Variants in STK39 observed in about 807,000 individuals in gnomAD.
STK39 encodes serine/threonine kinase 39, also known as STE20/SPS1-related proline-alanine-rich protein kinase.
STK39 carries 20 observed loss-of-function variants against 77.8 expected under a neutral mutation model. That is an observed-to-expected ratio of 0.26 (90% CI 0.18 to 0.37). The LOEUF (loss-of-function observed/expected upper bound fraction) is 0.37, where lower values mean the gene tolerates loss of function less well. Ranked by LOEUF, STK39 falls within the 10% of genes least tolerant of loss-of-function variation. The pLI, the probability that STK39 is intolerant of heterozygous loss-of-function variation, is 1.00. For synonymous variants in STK39, 246 were observed against 234.1 expected (o/e 1.05, Z -0.47); for missense variants, 479 against 656.5 (o/e 0.73, Z 2.95).
intron 1 of STK39, among the ~76,000 whole-genome samples, chr2:168,204,145 C>A (rs566637029): frequency 5.3e-5 from 8 of 152,338 alleles, no homozygotes; most frequent in African/African-American, 1.9e-4. Context: ...GAGGGTTTAA[C>A]AGGGACAGTC....
intron 1 of STK39, among the ~76,000 whole-genome samples, chr2:168,190,448 C>T (rs146342023): frequency 6.6e-5 from 10 of 152,280 alleles, no homozygotes; most frequent in African/African-American, 1.9e-4. Flanking sequence ...GCAGAACATC[C>T]AGTTCAATTC....
At chr2:168,060,701 G>A (rs1047823349) in intron 14 of STK39, among the ~76,000 whole-genome samples, 4 of 152,158 alleles carry the variant, frequency 2.6e-5, no homozygotes, top group African/African-American at 9.7e-5. Flanking sequence ...TGCCATTAAT[G>A]TGGTACATAT....
At chr2:168,191,684 T>C (rs527621157) in intron 1 of STK39, among the ~76,000 whole-genome samples, 1 of 152,324 alleles carries the variant, frequency 6.6e-6, no homozygotes, top group South Asian at 2.1e-4. Context: ...CCCTCCTGCG[T>C]ATCAGCTTCT....
chr2:168,215,631 T>C (rs1690006607), intron 1 of STK39, among the ~76,000 whole-genome samples: 1 of 152,118 alleles, frequency 6.6e-6, no homozygotes, highest in Non-Finnish European at 1.5e-5. Context: ...CAAAATAAAC[T>C]AAAAGGCTGC....
In STK39 at chr2:168,042,705, GAGT is replaced by G. The variant is rs370104229; in HGVS notation, c.1376+20792_1376+20794del. Among the ~76,000 whole-genome samples the G allele has an allele frequency of 2.8e-3, 429 of 151,688 alleles. 3 individuals carry two copies. The highest frequency in any genetic ancestry group is 9.7e-3 in the African/African-American group (403 of 41,346). On this transcript the variant is annotated intron_variant, in intron 14 of 17. Coordinates refer to ENST00000355999, the MANE Select transcript of STK39 (RefSeq NM_013233.3). ...AAGCAGTTCTCTGCCTCAGCCTCCC[GAGT>G]AGCTGGGATTACAGGCGCCTGCCAC...
intron 1 of STK39, among the ~76,000 whole-genome samples, chr2:168,196,684 A>G (rs763211674): frequency 6.6e-6 from 1 of 152,208 alleles, no homozygotes; most frequent in Non-Finnish European, 1.5e-5. Flanking sequence ...GATTGCAGTT[A>G]AGTGCTATGA....
chr2:168,013,769 A>G (rs1684330868), intron 15 of STK39, among the ~76,000 whole-genome samples: 1 of 151,030 alleles, frequency 6.6e-6, no homozygotes, highest in Non-Finnish European at 1.5e-5. Context: ...TGTGCTTCAG[A>G]TGTGGTGACT....
rs1558893955 is a variant in STK39, at chr2:168,242,563, ATATATATAT to A, written c.208+4656_208+4664del. ...GACTCTTACAAAAAAAAAAAAAAAT[ATATATATAT>A]ATATATATATATATATATATATATA... On this transcript the variant is annotated intron_variant, in intron 1 of 17. Transcript: ENST00000355999. Among the ~76,000 whole-genome samples, 185 of 57,832 alleles carry A rather than the reference ATATATATAT, an allele frequency of 3.2e-3. 12 individuals are homozygous for A. Among genetic ancestry groups the A allele is most frequent in the South Asian group, 6.4e-3 (10 of 1,566 alleles). 37.9% of individuals were successfully genotyped at this position (57,832 alleles called of 152,430 possible).
At chr2:167,956,131 T>C (rs1426527368) in intron 17 of STK39, among the ~76,000 whole-genome samples, 2 of 152,194 alleles carry the variant, frequency 1.3e-5, no homozygotes, top group African/African-American at 4.8e-5. Flanking sequence ...CAGGGAAAGG[T>C]ATTATAACAA....
chr2:168,016,468 T>G (rs1478140869), intron 15 of STK39, among the ~76,000 whole-genome samples: 1 of 150,050 alleles, frequency 6.7e-6, no homozygotes, highest in Non-Finnish European at 1.5e-5. Flanking sequence ...TTTCCTGAAG[T>G]GCTCACCATT....
intron 14 of STK39, among the ~76,000 whole-genome samples, chr2:168,038,449 T>TAAA (rs10622931): frequency 3.2e-4 from 47 of 145,800 alleles, no homozygotes; most frequent in Middle Eastern, 3.6e-3. Context: ...TAAAATGATT[T>TAAA]AAAAAAAAAA....
At position 168,155,594 on chromosome 2, in the gene STK39, G is replaced by T. The variant is rs146482772; in HGVS notation, c.628+6193C>A. On this transcript the variant is annotated intron_variant, in intron 5 of 17. Transcript: ENST00000355999. Reference sequence around the variant, plus strand: ...CACCCCAACAGATTTTAATTTTCATGTGTATTCTATTTTCTGAGTATAACC... The same window carrying T: ...CACCCCAACAGATTTTAATTTTCATTTGTATTCTATTTTCTGAGTATAACC... Among the ~76,000 whole-genome samples, 45 of 145,640 alleles carry T rather than the reference G, an allele frequency of 3.1e-4. 1 individual carries two copies. In the Middle Eastern group the frequency reaches 0.01, roughly 33 times the overall value.
chr2:168,036,031 A>C (rs570611401), intron 14 of STK39, among the ~76,000 whole-genome samples: 1 of 152,326 alleles, frequency 6.6e-6, no homozygotes, highest in Admixed American at 6.5e-5. Flanking sequence ...CGAATACGTG[A>C]GTCTGTCAAA....
At chr2:168,195,742 C>T (rs773792777) in intron 1 of STK39, among the ~76,000 whole-genome samples, 9 of 152,204 alleles carry the variant, frequency 5.9e-5, no homozygotes, top group Non-Finnish European at 1.2e-4. Context: ...ATTGGCTGCG[C>T]GAGGTGGCTC....
chr2:168,107,443 G>A (rs1276786464), intron 10 of STK39, among the ~76,000 whole-genome samples: 2 of 152,166 alleles, frequency 1.3e-5, no homozygotes, highest in African/African-American at 4.8e-5. Flanking sequence ...CCTAAAAGAT[G>A]TTAGGATAAT....
chr2:168,203,884 G>A (rs1175248540), intron 1 of STK39, among the ~76,000 whole-genome samples: 1 of 152,174 alleles, frequency 6.6e-6, no homozygotes, highest in Non-Finnish European at 1.5e-5. Flanking sequence ...GTGAGCCACC[G>A]CACCCAGCCA....
At chr2:168,075,339 A>C (rs1361518392) in intron 10 of STK39, 108 bp from the exon 11 acceptor site, 1 of 1,452,288 alleles carries the variant, frequency 6.9e-7, no homozygotes, top group East Asian at 2.3e-5. Context: ...AAATAACCTG[A>C]GTGGCTGTGA....
chr2:167,963,439 G>T (rs1004153801), intron 17 of STK39, among the ~76,000 whole-genome samples: 6 of 151,266 alleles, frequency 4.0e-5, no homozygotes, highest in Non-Finnish European at 4.4e-5. Context: ...TCTTGAGGTG[G>T]TATTAAAAAA....
At chr2:168,237,011 CA>C (rs1690630748) in intron 1 of STK39, among the ~76,000 whole-genome samples, 4 of 152,160 alleles carry the variant, frequency 2.6e-5, no homozygotes, top group African/African-American at 9.6e-5. Context: ...ATGGGGATGG[CA>C]TTGAATCTAT....
Sources: gnomAD v4.1 joint callset for allele counts (sites outside exome capture counted in the v4.1 genomes callset) on GRCh38, gnomAD v4.1.1 for gene constraint, MANE v1.5 for transcripts, NCBI Gene and HGNC (gene_info 2026-07-23, HGNC 2026-07-21) for gene names.